PDE4D: variants seen among roughly 807,000 people sequenced by gnomAD.
PDE4D encodes 3',5'-cyclic-AMP phosphodiesterase 4D.
A neutral mutation model predicts 87.4 loss-of-function variants in PDE4D; 24 were observed. The ratio of observed to expected loss-of-function variants is 0.27; its 90% confidence interval spans 0.20 to 0.39. The LOEUF is 0.39. Among genes scored for constraint, PDE4D ranks in the 10% least tolerant of loss-of-function variants. The probability of loss-of-function intolerance (pLI) is 1.00; values close to 1 mark genes in which losing one functional copy is unlikely to be tolerated. For missense variants in PDE4D, 714 were observed against 1,041.0 expected (o/e 0.69, Z 4.32); for synonymous variants, 384 against 383.2 (o/e 1.00, Z -0.02).
chr5:60,054,961 G>A (rs1396474), intron 2 of PDE4D, among the ~76,000 whole-genome samples: 151,450 of 152,170 alleles, frequency 1, 75,398 homozygotes, highest in Middle Eastern at 1. Flanking sequence ...GCAACTCAAC[G>A]AATATAAAGA....
intron 1 of PDE4D, among the ~76,000 whole-genome samples, chr5:59,727,816 C>T (rs908427607): frequency 6.6e-6 from 1 of 152,028 alleles, no homozygotes; most frequent in African/African-American, 2.4e-5. Context: ...CTCTTTCTCT[C>T]AATGCATGCC....
chr5:59,127,953 CT>C (rs1775708431), intron 5 of PDE4D, among the ~76,000 whole-genome samples: 1 of 151,526 alleles, frequency 6.6e-6, no homozygotes, highest in South Asian at 2.1e-4. Flanking sequence ...CAAGGACCCC[CT>C]GAAGGAGAAG....
At chr5:59,611,304 T>C (rs1828974294) in intron 1 of PDE4D, among the ~76,000 whole-genome samples, 1 of 152,136 alleles carries the variant, frequency 6.6e-6, no homozygotes, top group African/African-American at 2.4e-5. Flanking sequence ...ACTAATCCCA[T>C]TTGTAAGAAC....
chr5:60,084,658 G>A (rs866635852), intron 2 of PDE4D, among the ~76,000 whole-genome samples: 4 of 152,170 alleles, frequency 2.6e-5, no homozygotes, highest in South Asian at 2.1e-4. Context: ...TTCCAAACAC[G>A]TAACTCTCTT....
intron 3 of PDE4D, among the ~76,000 whole-genome samples, chr5:59,977,948 G>A (rs66506824): frequency 0.26 from 39,601 of 152,088 alleles, 5,659 homozygotes; most frequent in Admixed American, 0.35. Context: ...GGATGACAGT[G>A]TATCTGTTTA....
chr5:59,761,294 G>T (rs1356688447), intron 1 of PDE4D, among the ~76,000 whole-genome samples: 1 of 152,072 alleles, frequency 6.6e-6, no homozygotes, highest in Non-Finnish European at 1.5e-5. Context: ...CAATGTGAAG[G>T]CCTGGGACAT....
intron 1 of PDE4D, among the ~76,000 whole-genome samples, chr5:60,191,893 A>C (rs1785227145): frequency 6.6e-6 from 1 of 152,032 alleles, no homozygotes; most frequent in Non-Finnish European, 1.5e-5. Flanking sequence ...CCAGCTACTC[A>C]AGAGGCTGAG....
At chr5:59,719,043 T>C (rs1439737820) in intron 1 of PDE4D, among the ~76,000 whole-genome samples, 1 of 151,502 alleles carries the variant, frequency 6.6e-6, no homozygotes, top group Non-Finnish European at 1.5e-5. Flanking sequence ...TGGTTTCATA[T>C]AAGGAGACAT....
intron 2 of PDE4D, among the ~76,000 whole-genome samples, chr5:60,167,357 C>A (rs1379366461): frequency 6.7e-6 from 1 of 150,008 alleles, no homozygotes; most frequent in African/African-American, 2.4e-5. Context: ...AGGCTCCGCC[C>A]CCTGGGGTTC....
At chr5:60,055,086 C>T (rs1770631307) in intron 2 of PDE4D, among the ~76,000 whole-genome samples, 1 of 152,054 alleles carries the variant, frequency 6.6e-6, no homozygotes, top group South Asian at 2.1e-4. Context: ...GCCTTATGTT[C>T]CAAGTTGCAT....
chr5:59,745,872 G>A (rs1281814399), intron 1 of PDE4D, among the ~76,000 whole-genome samples: 1 of 152,136 alleles, frequency 6.6e-6, no homozygotes, highest in Non-Finnish European at 1.5e-5. Flanking sequence ...ATGCAAGCAG[G>A]CAGTAAGAAC....
At chr5:59,726,984 T>C (rs887529356) in intron 1 of PDE4D, among the ~76,000 whole-genome samples, 3 of 152,050 alleles carry the variant, frequency 2.0e-5, no homozygotes, top group Non-Finnish European at 4.4e-5. Context: ...ATAAGGGAGA[T>C]ACATTCTTAT....
At chr5:60,013,414 A>G (rs1765200714) in intron 2 of PDE4D, among the ~76,000 whole-genome samples, 1 of 152,186 alleles carries the variant, frequency 6.6e-6, no homozygotes, top group African/African-American at 2.4e-5. Flanking sequence ...TGGTCTGCCA[A>G]GTACACCATT....
At chr5:59,811,631 G>T (rs1013757326) in intron 1 of PDE4D, among the ~76,000 whole-genome samples, 7 of 152,186 alleles carry the variant, frequency 4.6e-5, no homozygotes, top group Non-Finnish European at 1.0e-4. Flanking sequence ...CTTCGAGAAT[G>T]ATCCTCCTCT....
chr5:59,862,495 C>T (rs1400315890), intron 1 of PDE4D, among the ~76,000 whole-genome samples: 4 of 152,110 alleles, frequency 2.6e-5, no homozygotes, highest in Non-Finnish European at 5.9e-5. Context: ...TGGTTTAGTT[C>T]CTACCTCTGG....
chr5:60,315,581 T>C (rs1755496468), intron 1 of PDE4D, among the ~76,000 whole-genome samples: 1 of 152,220 alleles, frequency 6.6e-6, no homozygotes. Context: ...TCCTGAATGG[T>C]ATTGCCTAGG....
chr5:59,786,984 C>T (rs78994221), intron 1 of PDE4D, among the ~76,000 whole-genome samples: 1,596 of 152,182 alleles, frequency 0.01, 12 homozygotes, highest in Non-Finnish European at 0.017. Flanking sequence ...AAACATTGGA[C>T]ATGTTGACAT....
At chr5:59,087,120 T>C (rs1767842730) in intron 5 of PDE4D, among the ~76,000 whole-genome samples, 1 of 152,140 alleles carries the variant, frequency 6.6e-6, no homozygotes, top group Non-Finnish European at 1.5e-5. Context: ...ATTCAAGCAT[T>C]AGTAAATACA....
intron 2 of PDE4D, among the ~76,000 whole-genome samples, chr5:60,170,980 G>T (rs2149481380): frequency 6.6e-6 from 1 of 152,106 alleles, no homozygotes; most frequent in South Asian, 2.1e-4. Context: ...ATCAAAATAT[G>T]TATCTGGCAG....
Sources: allele counts gnomAD v4.1 joint callset (sites outside exome capture counted in the v4.1 genomes callset), GRCh38; gene constraint gnomAD v4.1.1; transcripts MANE v1.5; gene names NCBI Gene and HGNC (gene_info 2026-07-23, HGNC 2026-07-21).